Variants in NREP observed in about 807,000 individuals in gnomAD.
NREP encodes neuronal regeneration related protein, also known as neuronal regeneration-related protein.
A neutral mutation model predicts 8.6 loss-of-function variants in NREP; 5 were observed. The observed-to-expected ratio is 0.58, with a 90% CI of 0.30 to 1.22. The LOEUF is 1.22. Among genes scored for constraint, NREP ranks in the 50% most tolerant of loss-of-function variants. The pLI is 0.07. For missense variants in NREP, 86 were observed against 82.5 expected (o/e 1.04, Z -0.17); for synonymous variants, 27 against 28.0 (o/e 0.96, Z 0.11).
intron 2 of NREP, among the ~76,000 whole-genome samples, chr5:111,906,253 T>C (rs80016142): frequency 0.041 from 6,190 of 152,160 alleles, 413 homozygotes; most frequent in African/African-American, 0.14. Context: ...AATTTTGCAA[T>C]GTGTTTCTTA....
At chr5:111,747,010 A>G (rs1024118483) in intron 2 of NREP, among the ~76,000 whole-genome samples, 1 of 152,172 alleles carries the variant, frequency 6.6e-6, no homozygotes, top group Non-Finnish European at 1.5e-5. Context: ...ACTGACACTC[A>G]ACAATGTCTG....
chr5:111,895,568 G>C (rs1044296966), intron 2 of NREP, among the ~76,000 whole-genome samples: 1 of 152,066 alleles, frequency 6.6e-6, no homozygotes, highest in Non-Finnish European at 1.5e-5. Context: ...AGGATAGTAT[G>C]GGTGAGGCAG....
At chr5:111,920,887 T>C (rs1755219458) in intron 2 of NREP, among the ~76,000 whole-genome samples, 1 of 152,140 alleles carries the variant, frequency 6.6e-6, no homozygotes, top group Non-Finnish European at 1.5e-5. Flanking sequence ...TGTCTGAACA[T>C]GTCCAAGAAA....
chr5:111,946,184 G>A (rs1194695551), intron 2 of NREP, among the ~76,000 whole-genome samples: 1 of 151,620 alleles, frequency 6.6e-6, no homozygotes, highest in Non-Finnish European at 1.5e-5. Flanking sequence ...ATCCATTGGT[G>A]AGATTTTGTC....
intron 2 of NREP, among the ~76,000 whole-genome samples, chr5:111,763,654 C>A (rs1436338640): frequency 6.6e-6 from 1 of 152,230 alleles, no homozygotes; most frequent in Non-Finnish European, 1.5e-5. Context: ...TGCCTTAAAA[C>A]TGATCTGCAT....
In NREP at chr5:111,897,567, G is replaced by A. The variant is rs369065566; in HGVS notation, c.135+77707C>T. On this transcript the variant is annotated intron_variant, in intron 2 of 3. Coordinates refer to the NREP transcript ENST00000395634. ...CCTTCTGCTTTCTTGGCTTGTCTCT[G>A]TTCTACTTGATATTATCTTCCTGAG... Among the ~76,000 whole-genome samples the A allele has an allele frequency of 5.3e-5, 8 of 152,160 alleles. 1 individual carries two copies. Among genetic ancestry groups the A allele is most frequent in the African/African-American group, 7.2e-5 (3 of 41,522 alleles).
intron 2 of NREP, among the ~76,000 whole-genome samples, chr5:111,851,185 A>G (rs1156335714): frequency 6.6e-6 from 1 of 152,200 alleles, no homozygotes; most frequent in Non-Finnish European, 1.5e-5. Context: ...ATAGATATGT[A>G]TATGACATAT....
At chr5:111,830,428 G>C (rs1752739001) in intron 2 of NREP, among the ~76,000 whole-genome samples, 1 of 152,174 alleles carries the variant, frequency 6.6e-6, no homozygotes, top group Non-Finnish European at 1.5e-5. Flanking sequence ...GAGCCCCAGA[G>C]GAAAACATTG....
chr5:111,958,339 A>T (rs534572355), intron 2 of NREP, among the ~76,000 whole-genome samples: 5 of 152,074 alleles, frequency 3.3e-5, no homozygotes, highest in African/African-American at 9.6e-5. Context: ...ATCTAATGCA[A>T]TAAGAGAAAC....
chr5:111,749,592 T>G lies in NREP; in HGVS notation c.3+6178A>C, dbSNP rs1011129905. On this transcript the variant is annotated intron_variant, in intron 2 of 3. Transcript: ENST00000257435. The stretch of plus-strand genomic sequence containing the variant: ...GTGATGACATAAGCGTTGGCTTACA[T>G]TTTCAATAAGTATGGTTAATCGGGA... Among the ~76,000 whole-genome samples the G allele has an allele frequency of 2.6e-3, 399 of 152,296 alleles. 2 individuals are homozygous for G. Among genetic ancestry groups the G allele is most frequent in the African/African-American group, 9.3e-3 (388 of 41,546 alleles).
intron 2 of NREP, among the ~76,000 whole-genome samples, chr5:111,908,604 T>G (rs1754832455): frequency 2.0e-5 from 3 of 152,046 alleles, no homozygotes; most frequent in Non-Finnish European, 2.9e-5. Flanking sequence ...AAGCACATAA[T>G]TTCATTCTTT....
At chr5:111,966,154 G>T (rs1209764489) in intron 2 of NREP, among the ~76,000 whole-genome samples, 1 of 152,168 alleles carries the variant, frequency 6.6e-6, no homozygotes, top group East Asian at 1.9e-4. Context: ...AAAGAGAAAA[G>T]AAGATGATTA....
chr5:111,855,881 A>G (rs1476725322), intron 2 of NREP, among the ~76,000 whole-genome samples: 2 of 152,172 alleles, frequency 1.3e-5, no homozygotes, highest in Non-Finnish European at 2.9e-5. Context: ...GGGGGAAAAA[A>G]AAGATGAAAG....
chr5:111,893,806 T>C (rs1754446947), intron 2 of NREP, among the ~76,000 whole-genome samples: 1 of 151,896 alleles, frequency 6.6e-6, no homozygotes, highest in Non-Finnish European at 1.5e-5. Context: ...CATTTTACCA[T>C]CTTGTAACTG....
At position 111,917,001 on chromosome 5, in the gene NREP, C is replaced by T. The variant is rs193041182; in HGVS notation, c.135+58273G>A. ...CCCGCTTGGAAGAGACCCAAATGGG[C>T]ACCGTGGAGATCCAATGTGGCATTT... is the stretch of plus-strand genomic sequence containing the variant. On this transcript the variant is annotated intron_variant, in intron 2 of 3. Transcript: ENST00000395634. Among the ~76,000 whole-genome samples the T allele has an allele frequency of 6.6e-5, 10 of 152,186 alleles. No individual in the cohort carries two copies. The East Asian group carries it at 1.7e-3, about 27-fold the overall frequency.
At chr5:111,876,297 T>C (rs1753907610) in intron 2 of NREP, among the ~76,000 whole-genome samples, 1 of 152,192 alleles carries the variant, frequency 6.6e-6, no homozygotes, top group African/African-American at 2.4e-5. Flanking sequence ...ACAAGGCAAG[T>C]TCTGGTGAGG....
At chr5:111,794,180 C>T (rs765435483) in intron 2 of NREP, among the ~76,000 whole-genome samples, 1 of 152,212 alleles carries the variant, frequency 6.6e-6, no homozygotes, top group Non-Finnish European at 1.5e-5. Flanking sequence ...CAAATGCTGG[C>T]AAGGATGTCA....
At chr5:111,862,480 C>G (rs954408401) in intron 2 of NREP, among the ~76,000 whole-genome samples, 13 of 152,132 alleles carry the variant, frequency 8.5e-5, no homozygotes, top group Admixed American at 8.5e-4. Flanking sequence ...ACACAGAGCT[C>G]TTTCCCTCAA....
exon 1 of NREP, chr5:111,976,911 G>C (rs1486766567): frequency 7.1e-6 from 4 of 565,274 alleles, no homozygotes; most frequent in Admixed American, 3.3e-5. Flanking sequence ...ATTCCTTCTA[G>C]ATGCTGGCAA....
Sources: gnomAD v4.1 joint callset for allele counts (sites outside exome capture counted in the v4.1 genomes callset) on GRCh38, gnomAD v4.1.1 for gene constraint, MANE v1.5 for transcripts, NCBI Gene and HGNC (gene_info 2026-07-23, HGNC 2026-07-21) for gene names.